The following MLYCD variants were observed in gnomAD, a reference collection of about 807,000 sequenced individuals.
The protein encoded by MLYCD is malonyl-CoA decarboxylase, also known as malonyl-CoA decarboxylase, mitochondrial.
Under a neutral mutation model 35.8 loss-of-function variants are expected in MLYCD, and 27 were observed. The observed-to-expected ratio is 0.75, with a 90% CI of 0.56 to 1.04. The LOEUF (loss-of-function observed/expected upper bound fraction) is 1.04, where lower values mean the gene tolerates loss of function less well. Among genes scored for constraint, MLYCD ranks in the 50% least tolerant of loss-of-function variants. The pLI, the probability that MLYCD is intolerant of heterozygous loss-of-function variation, is 0.00. For synonymous variants in MLYCD, 403 were observed against 302.4 expected (o/e 1.33, Z -3.45); for missense variants, 917 against 665.1 (o/e 1.38, Z -4.17).
At position 83,920,742 on chromosome 16, in the gene MLYCD, CAGG is replaced by C. The variant is rs1249081801; in HGVS notation, c.*5254_*5256del. On this transcript the variant is annotated 3_prime_UTR_variant, in exon 5 of 5. Transcript: ENST00000262430. ...GGAAAATTTCAAACATATGTAAAAG[CAGG>C]GAGAAATTGCATAACGAACCTACAG... The C allele has an allele frequency of 1.3e-5, 2 of 152,226 alleles. No individual in the cohort carries two copies. The highest frequency in any genetic ancestry group is 2.9e-5 in the Non-Finnish European group (2 of 68,052). 9.4% of individuals were successfully genotyped at this position (152,226 alleles called of 1,614,324 possible). A position where few individuals can be genotyped will look rare whatever the true frequency, so the allele number is the denominator to read the frequency against.
At chr16:83,910,301 G>A (rs1003278013) in intron 3 of MLYCD, among the ~76,000 whole-genome samples, 3 of 150,676 alleles carry the variant, frequency 2.0e-5, no homozygotes, top group Admixed American at 1.3e-4. Flanking sequence ...TTGTATAACC[G>A]AAGAAAGTTT....
rs954332079 is a variant in MLYCD, at chr16:83,919,844, C to G, written c.*4355C>G. 6.7e-6 allele frequency: 1 copy of G among 150,074 alleles called. No homozygotes were observed. Among genetic ancestry groups the G allele is most frequent in the African/African-American group, 2.5e-5 (1 of 40,434 alleles). 9.3% of individuals were successfully genotyped at this position (150,074 alleles called of 1,614,324 possible). A position where few individuals can be genotyped will look rare whatever the true frequency, so the allele number is the denominator to read the frequency against. On this transcript the variant is annotated 3_prime_UTR_variant, in exon 5 of 5. Transcript: ENST00000262430. ...AACACGCAGTGCACAGGAGAACATG[C>G]AATGCACGGGAGAACACAGTGCAGA...
rs1226291711 is a variant in MLYCD at position 83,921,054 on chromosome 16, A to T, written c.*5565A>T. 3 of 148,856 alleles carry T rather than the reference A, an allele frequency of 2.0e-5. No homozygotes were observed. The highest frequency in any genetic ancestry group is 3.0e-5 in the Non-Finnish European group (2 of 67,272). The allele number at this position is 148,856 out of a possible 1,614,324, so 9.2% of individuals were successfully genotyped here. A position where few individuals can be genotyped will look rare whatever the true frequency, so the allele number is the denominator to read the frequency against. On this transcript the variant is annotated 3_prime_UTR_variant, in exon 5 of 5. Coordinates refer to ENST00000262430, the MANE Select transcript of MLYCD (RefSeq NM_012213.3). Reference sequence around the variant, plus strand: ...AGAAGGAAGATGGGTATATGAATAGATGGCTGGGTGGGTGGAAGGAAGGAA... The same window carrying T: ...AGAAGGAAGATGGGTATATGAATAGTTGGCTGGGTGGGTGGAAGGAAGGAA...
intron 1 of MLYCD, among the ~76,000 whole-genome samples, chr16:83,899,954 C>T (rs913523148): frequency 2.0e-5 from 3 of 152,218 alleles, no homozygotes; most frequent in African/African-American, 7.2e-5. Context: ...GTAGCTGTCA[C>T]CTCTCGTACC....
In MLYCD at chr16:83,919,609, A is replaced by C. The variant is rs935362053; in HGVS notation, c.*4120A>C. 2.0e-5 allele frequency: 3 copies of C among 152,552 alleles called. No individual in the cohort carries two copies. The highest frequency in any genetic ancestry group is 7.3e-5 in the African/African-American group (3 of 41,040). The allele number at this position is 152,552 out of a possible 1,614,324, so 9.4% of individuals were successfully genotyped here. A position where few individuals can be genotyped will look rare whatever the true frequency, so the allele number is the denominator to read the frequency against. On this transcript the variant is annotated 3_prime_UTR_variant, in exon 5 of 5. Transcript: ENST00000262430. Reference sequence around the variant, plus strand: ...CAGTGCACAGGAGAACACACAGTGCACAGAACACACGGGGCACAGGAGAAC... The same window carrying C: ...CAGTGCACAGGAGAACACACAGTGCCCAGAACACACGGGGCACAGGAGAAC...
At position 83,916,306 on chromosome 16, in the gene MLYCD, G is replaced by A; in HGVS notation, c.*817G>A. ...GGGTGTGTTGGATGAGAACAAAGGT[G>A]AAGGAAGGGGCAGTCATTGTGCTTG... On this transcript the variant is annotated 3_prime_UTR_variant, in exon 5 of 5. Coordinates refer to ENST00000262430, the MANE Select transcript of MLYCD (RefSeq NM_012213.3). 1 of 537,866 alleles carries A rather than the reference G, an allele frequency of 1.9e-6. No individual in the cohort carries two copies. Among genetic ancestry groups the A allele is most frequent in the Non-Finnish European group, 2.4e-6 (1 of 419,576 alleles). 33.3% of individuals were successfully genotyped at this position (537,866 alleles called of 1,614,324 possible). A position where few individuals can be genotyped will look rare whatever the true frequency, so the allele number is the denominator to read the frequency against.
In MLYCD at chr16:83,921,364, T is replaced by A. The variant is rs1907647510; in HGVS notation, c.*5875T>A. On this transcript the variant is annotated 3_prime_UTR_variant, in exon 5 of 5. Transcript: ENST00000262430. The stretch of plus-strand genomic sequence containing the variant: ...TAGATGGAAGGAAAGGAAAGGAGGA[T>A]GGATGGATGGATGGATGGATAGATG... The A allele has an allele frequency of 2.0e-5, 2 of 98,640 alleles. No homozygotes were observed. The highest frequency in any genetic ancestry group is 4.9e-5 in the African/African-American group (1 of 20,294). 6.1% of individuals were successfully genotyped at this position (98,640 alleles called of 1,614,324 possible).
rs981839405 is a variant in MLYCD at position 83,899,178 on chromosome 16, C to T, written c.34C>T (p.Arg12Cys). The T allele has an allele frequency of 2.6e-6, 3 of 1,167,568 alleles. No individual in the cohort carries two copies. Among genetic ancestry groups the T allele is most frequent in the African/African-American group, 1.6e-5 (1 of 61,106 alleles). 72.3% of individuals were successfully genotyped at this position (1,167,568 alleles called of 1,614,324 possible). A position where few individuals can be genotyped will look rare whatever the true frequency, so the allele number is the denominator to read the frequency against. The change falls in exon 1 of 5, where the codon CGT (arginine) becomes TGT (cysteine). Residue 12 changes from arginine (R) to cysteine (C), a missense_variant. By Grantham distance (180) the Arg-to-Cys change is radical. Transcript: ENST00000262430. ...RGFGPGLTAR[R>C]LLPLRLPPRP... ...CTTCGGGCCAGGCTTGACGGCCAGGCGTCTCCTCCCGCTGCGGTTGCCCCC... is the reference window on the plus strand; with the variant it reads ...CTTCGGGCCAGGCTTGACGGCCAGGTGTCTCCTCCCGCTGCGGTTGCCCCC...
rs1472401406 is a variant in MLYCD at position 83,925,087 on chromosome 16, CATT to C, written c.*9599_*9601del. On this transcript the variant is annotated 3_prime_UTR_variant, in exon 5 of 5. Transcript: ENST00000262430. ...CCTGTCTGGGGCCCTGGTGTGGCATCATTGTTAACAGAGCTTCTTTTCACTCTG... is the reference window on the plus strand; with the variant it reads ...CCTGTCTGGGGCCCTGGTGTGGCATCGTTAACAGAGCTTCTTTTCACTCTG... 2 of 152,458 alleles carry C rather than the reference CATT, an allele frequency of 1.3e-5. No individual in the cohort carries two copies. Among genetic ancestry groups the C allele is most frequent in the East Asian group, 3.9e-4 (2 of 5,180 alleles). The allele number at this position is 152,458 out of a possible 1,614,324, so 9.4% of individuals were successfully genotyped here.
chr16:83,908,730 C>G (rs1318948580), intron 3 of MLYCD, among the ~76,000 whole-genome samples: 1 of 152,158 alleles, frequency 6.6e-6, no homozygotes, highest in African/African-American at 2.4e-5. Flanking sequence ...CACTCCTTGG[C>G]GAGTGGAGGT....
intron 3 of MLYCD, among the ~76,000 whole-genome samples, chr16:83,909,979 C>T (rs1049793186): frequency 3.9e-5 from 6 of 151,936 alleles, no homozygotes; most frequent in African/African-American, 7.3e-5. Context: ...AGGGAACGTC[C>T]GCAACTTACC....
At position 83,915,262 on chromosome 16, in the gene MLYCD, G is replaced by A. The variant is rs773101554; in HGVS notation, c.1255G>A (p.Val419Met). ...EKHRGYALNPVANFHLQNGAV... is the reference protein window; with the variant it reads ...EKHRGYALNPMANFHLQNGAV... ...GCACCGCGGCTACGCGCTGAACCCCGTGGCCAACTTCCACCTGCAGAACGG... is the reference window on the plus strand; with the variant it reads ...GCACCGCGGCTACGCGCTGAACCCCATGGCCAACTTCCACCTGCAGAACGG... The change falls in exon 5 of 5, where the codon GTG becomes ATG. Residue 419 changes from valine to methionine, a missense_variant. Val to Met is a conservative substitution (Grantham distance 21). Transcript: ENST00000262430. The A allele has an allele frequency of 3.3e-5, 53 of 1,612,226 alleles. No individual in the cohort carries two copies. The highest frequency in any genetic ancestry group is 4.1e-5 in the Non-Finnish European group (48 of 1,178,500).
Position 83,914,764 on chromosome 16 carries a change from G to T in MLYCD, c.949-192G>T, listed in dbSNP as rs541655628. The T allele has an allele frequency of 2.2e-4, 172 of 778,044 alleles. No homozygotes were observed. In the African/African-American group the frequency reaches 2.7e-3, roughly 12 times the overall value. 48.2% of individuals were successfully genotyped at this position (778,044 alleles called of 1,614,324 possible). ...ACTGCACTCCAGCTAGGGCAATAGA[G>T]CAAGACCCTGACTCTAAGAGGAAAA... On this transcript the variant is annotated intron_variant, in intron 4 of 4. Coordinates refer to ENST00000262430, the MANE Select transcript of MLYCD (RefSeq NM_012213.3).
Position 83,899,558 on chromosome 16 carries a change from C to T in MLYCD, c.414C>T (p.Arg138=), listed in dbSNP as rs1906701836. The T allele has an allele frequency of 6.3e-7, 1 of 1,593,004 alleles. No homozygotes were observed. Among genetic ancestry groups the T allele is most frequent in the Non-Finnish European group, 8.5e-7 (1 of 1,177,644 alleles). Residue 138 remains arginine, a synonymous_variant, in exon 1 of 5, where the codon CGC becomes CGT. Transcript: ENST00000262430. ...GCTACGCGCTGGTGCCGCGCTATCG[C>T]GGCCTCTTCCACCACATCAGCAAGC... The part of the protein sequence containing the change: ...RLRYALVPRY[R]GLFHHISKLD...
chr16:83,906,075 C>G (rs189959615), intron 1 of MLYCD, among the ~76,000 whole-genome samples: 103 of 152,310 alleles, frequency 6.8e-4, no homozygotes, highest in African/African-American at 2.3e-3. Flanking sequence ...TTATGTCCCT[C>G]TAAGGTAGGT....
chr16:83,920,238 G>C lies in MLYCD; in HGVS notation c.*4749G>C, dbSNP rs1005998799. ...CTGGCCTCCCACAGCCATTCATAGA[G>C]CCCATTCTGTTTGCGATAAAAACAG... On this transcript the variant is annotated 3_prime_UTR_variant, in exon 5 of 5. Coordinates refer to ENST00000262430, the MANE Select transcript of MLYCD (RefSeq NM_012213.3). 6.6e-6 allele frequency: 1 copy of C among 152,168 alleles called. No individual in the cohort carries two copies. Among genetic ancestry groups the C allele is most frequent in the Admixed American group, 6.5e-5 (1 of 15,278 alleles). The allele number at this position is 152,168 out of a possible 1,614,324, so 9.4% of individuals were successfully genotyped here.
Position 83,927,026 on chromosome 16 carries a change from T to TAAAAA in MLYCD, c.*11537_*11538insAAAAA, listed in dbSNP as rs766028196. ...AAAAAATAAAAATAAAAAAATAAAA[T>TAAAAA]CCTAACAGGTAGCATACCTGCACTC... On this transcript the variant is annotated 3_prime_UTR_variant, in exon 5 of 5. Transcript: ENST00000262430. 2 of 151,818 alleles carry TAAAAA rather than the reference T, an allele frequency of 1.3e-5. No individual in the cohort carries two copies. Among genetic ancestry groups the TAAAAA allele is most frequent in the African/African-American group, 4.8e-5 (2 of 41,308 alleles). The allele number at this position is 151,818 out of a possible 1,614,324, so 9.4% of individuals were successfully genotyped here. A position where few individuals can be genotyped will look rare whatever the true frequency, so the allele number is the denominator to read the frequency against.
Position 83,899,196 on chromosome 16 carries a change from T to G in MLYCD, c.52T>G (p.Leu18Val). The G allele has an allele frequency of 8.5e-7, 1 of 1,175,716 alleles. No individual in the cohort carries two copies. Among genetic ancestry groups the G allele is most frequent in the Non-Finnish European group, 1.0e-6 (1 of 955,862 alleles). 72.8% of individuals were successfully genotyped at this position (1,175,716 alleles called of 1,614,324 possible). A position where few individuals can be genotyped will look rare whatever the true frequency, so the allele number is the denominator to read the frequency against. Reference sequence around the variant, plus strand: ...GGCCAGGCGTCTCCTCCCGCTGCGGTTGCCCCCGCGGCCGCCCGGGCCCCG... The same window carrying G: ...GGCCAGGCGTCTCCTCCCGCTGCGGGTGCCCCCGCGGCCGCCCGGGCCCCG... ...LTARRLLPLR[L>V]PPRPPGPRLA... Residue 18 changes from leucine to valine, a missense_variant, in exon 1 of 5, where the codon TTG becomes GTG. Leu to Val is a conservative substitution (Grantham distance 32). Coordinates refer to ENST00000262430, the MANE Select transcript of MLYCD (RefSeq NM_012213.3).
At chr16:83,910,874 T>A (rs148866494) in intron 3 of MLYCD, among the ~76,000 whole-genome samples, 52 of 152,316 alleles carry the variant, frequency 3.4e-4, no homozygotes, top group African/African-American at 1.3e-3. Context: ...TTCTTCACTT[T>A]GTTGGAGTCA....
Sources: allele counts gnomAD v4.1 joint callset (sites outside exome capture counted in the v4.1 genomes callset), GRCh38; gene constraint gnomAD v4.1.1; transcripts MANE v1.5; gene names NCBI Gene and HGNC (gene_info 2026-07-23, HGNC 2026-07-21).